VBP1: variants seen among roughly 807,000 people sequenced by gnomAD.
VBP1 encodes the protein VHL binding protein 1.
In VBP1, 4 loss-of-function variants were observed where a neutral mutation model predicts 15.5. The observed-to-expected ratio is 0.26, with a 90% confidence interval of 0.13 to 0.59. The LOEUF is 0.59. Ranked by LOEUF, VBP1 falls within the 20% of genes least tolerant of loss-of-function variation. The probability of loss-of-function intolerance (pLI) is 0.90; values close to 1 mark genes in which losing one functional copy is unlikely to be tolerated. For missense variants in VBP1, 108 were observed against 139.6 expected, an observed-to-expected ratio of 0.77 and a Z score of 1.14; for synonymous variants, 61 against 52.1, an observed-to-expected ratio of 1.17 and a Z score of -0.74.
intron 2 of VBP1, among the ~76,000 whole-genome samples, chrX:155,211,050 G>A (rs782270827): frequency 1.6e-4 from 18 of 111,709 alleles, no homozygotes; most frequent in Non-Finnish European, 3.0e-4. Context: ...TCCTCTTTAG[G>A]AAGAGGAAAT....
Position 155,216,540 on chromosome X carries a change from C to T in VBP1, c.58C>T (p.Arg20Trp), listed in dbSNP as rs1265010045. 3 of 1,169,228 alleles carry T rather than the reference C, an allele frequency of 2.6e-6. No individual in the cohort carries two copies. The highest frequency in any genetic ancestry group is 3.4e-6 in the Non-Finnish European group (3 of 873,959). Residue 20 changes from arginine (R) to tryptophan (W), a missense_variant, in exon 1 of 6, where the codon CGG becomes TGG. Physicochemically the swap from Arg to Trp is moderately radical, Grantham distance 101. Transcript: ENST00000286428. ...KGEMATGNGR[R>W]LHLGIPEAVF... ...AGAAATGGCCACAGGGAATGGGCGG[C>T]GGCTCCACCTGGGGATTCCTGAGGC...
At chrX:155,222,516 C>T (rs2074694322) in intron 2 of VBP1, among the ~76,000 whole-genome samples, 1 of 111,258 alleles carries the variant, frequency 9.0e-6, no homozygotes, top group South Asian at 3.8e-4. Flanking sequence ...GCCTTGGGAC[C>T]AAGTCCTGGG....
chrX:155,198,979 T>G (rs3964330), intron 1 of VBP1, among the ~76,000 whole-genome samples: 1 of 111,552 alleles, frequency 9.0e-6, no homozygotes, highest in Admixed American at 9.5e-5. Context: ...CCTCAGGAGC[T>G]GATGCGATCA....
chrX:155,223,282 G>A (rs1394824921), intron 2 of VBP1, among the ~76,000 whole-genome samples: 4 of 106,307 alleles, frequency 3.8e-5, no homozygotes, highest in African/African-American at 1.4e-4. Flanking sequence ...AATAGTGGAG[G>A]GAAGGTCAGC....
chrX:155,238,058 GA>G (rs2074782384), intron 5 of VBP1, among the ~76,000 whole-genome samples: 2 of 111,500 alleles, frequency 1.8e-5, no homozygotes, highest in Non-Finnish European at 1.9e-5. Flanking sequence ...AAACGTGTGA[GA>G]AAAAAACAGG....
At chrX:155,202,455 A>G (rs1465590950) in intron 1 of VBP1, among the ~76,000 whole-genome samples, 1 of 111,364 alleles carries the variant, frequency 9.0e-6, no homozygotes, top group African/African-American at 3.3e-5. Context: ...ATAACGCCGC[A>G]TATCTACAAC....
At chrX:155,231,614 C>A (rs2074746929) in intron 4 of VBP1, among the ~76,000 whole-genome samples, 1 of 112,551 alleles carries the variant, frequency 8.9e-6, no homozygotes, top group African/African-American at 3.2e-5. Context: ...TAGAAAGCAG[C>A]AGGCTACTGC....
chrX:155,221,248 C>T (rs782498868), intron 2 of VBP1, among the ~76,000 whole-genome samples: 1 of 111,346 alleles, frequency 9.0e-6, no homozygotes, highest in African/African-American at 3.3e-5. Context: ...GGGAGAATTG[C>T]TTGAGCCCGG....
chrX:155,199,600 T>C (rs2124028051), intron 1 of VBP1, among the ~76,000 whole-genome samples: 1 of 111,705 alleles, frequency 9.0e-6, no homozygotes, highest in Admixed American at 9.5e-5. Flanking sequence ...AAAGAGCTCC[T>C]GAAGGAAGCA....
intron 1 of VBP1, among the ~76,000 whole-genome samples, chrX:155,216,845 C>T (rs1420924028): frequency 8.9e-6 from 1 of 112,389 alleles, no homozygotes; most frequent in Admixed American, 9.3e-5. Context: ...GGTGGCAGGG[C>T]AGGGCGGCCT....
intron 2 of VBP1, among the ~76,000 whole-genome samples, chrX:155,224,589 A>G (rs988159943): frequency 8.9e-6 from 1 of 112,027 alleles, no homozygotes; most frequent in Non-Finnish European, 1.9e-5. Flanking sequence ...GAGGGAGACC[A>G]TGCAAAGAGG....
At chrX:155,197,553 T>C (rs1420051589) in intron 1 of VBP1, among the ~76,000 whole-genome samples, 1 of 112,225 alleles carries the variant, frequency 8.9e-6, no homozygotes, top group African/African-American at 3.2e-5. Context: ...CAAATGCCTA[T>C]GTATAGAATG....
intron 5 of VBP1, among the ~76,000 whole-genome samples, chrX:155,238,149 A>G (rs782454476): frequency 1.9e-4 from 21 of 112,266 alleles, no homozygotes; most frequent in Middle Eastern, 9.2e-3. Flanking sequence ...GTTAAATGCC[A>G]TTTGTTATTG....
In VBP1 at chrX:155,209,456, C is replaced by T. The variant is rs370662520; in HGVS notation, c.78+475C>T. 4.5e-5 allele frequency among the ~76,000 whole-genome samples: 5 copies of T among 111,806 alleles called. No individual in the cohort carries two copies. The East Asian group carries it at 8.4e-4, about 19-fold the overall frequency. On this transcript the variant is annotated intron_variant, in intron 2 of 6. Transcript: ENST00000535916. The stretch of plus-strand genomic sequence containing the variant: ...CAAAGCACCATGGGAACTCAAAGAA[C>T]GGAATAATTAATTTAGCAAAGGAAG...
upstream of VBP1, among the ~76,000 whole-genome samples, chrX:155,213,919 C>T (rs73569685): frequency 1.4e-3 from 154 of 112,326 alleles, no homozygotes; most frequent in African/African-American, 4.8e-3. Context: ...GTCCTCCCAA[C>T]TCGACATGGA....
upstream of VBP1, chrX:155,216,452 C>G: frequency 1.7e-6 from 2 of 1,162,717 alleles, no homozygotes; most frequent in Non-Finnish European, 1.1e-6. Context: ...GCCGGCGGCC[C>G]GGGAGGCAGT....
chrX:155,230,129 T>C (rs2124090449), intron 4 of VBP1, among the ~76,000 whole-genome samples: 1 of 111,726 alleles, frequency 9.0e-6, no homozygotes, highest in East Asian at 2.8e-4. Flanking sequence ...TCAGGGTCGA[T>C]TCCTTCTGAG....
rs1194045320 is a variant in VBP1 at position 155,198,629 on chromosome X, C to CA, written c.-31+1494dup. Reference sequence around the variant, plus strand: ...TCTGTACATCACCATCATCAAAGACCAAAAGTAGATAAAACCACAAAGATG... The same window carrying CA: ...TCTGTACATCACCATCATCAAAGACCAAAAAGTAGATAAAACCACAAAGATG... On this transcript the variant is annotated intron_variant, in intron 1 of 6. Transcript: ENST00000535916. Among the ~76,000 whole-genome samples, 3 of 110,436 alleles carry CA rather than the reference C, an allele frequency of 2.7e-5. No individual in the cohort carries two copies. The South Asian group carries it at 1.1e-3, about 42-fold the overall frequency.
intron 1 of VBP1, among the ~76,000 whole-genome samples, chrX:155,198,919 C>A (rs1557307025): frequency 1.8e-5 from 2 of 111,766 alleles, no homozygotes; most frequent in South Asian, 7.3e-4. Context: ...CTTAAAGGAG[C>A]TGATGGAGCT....
Sources: gnomAD v4.1 joint callset for allele counts (sites outside exome capture counted in the v4.1 genomes callset) on GRCh38, gnomAD v4.1.1 for gene constraint, MANE v1.5 for transcripts, NCBI Gene and HGNC (gene_info 2026-07-23, HGNC 2026-07-21) for gene names.